The following USP53 variants were observed in gnomAD, a reference collection of about 807,000 sequenced individuals.
USP53 encodes the protein ubiquitin carboxyl-terminal hydrolase 53.
USP53 carries 71 observed loss-of-function variants against 94.9 expected under a neutral mutation model. The observed-to-expected ratio is 0.75, with a 90% confidence interval of 0.62 to 0.91. The LOEUF (loss-of-function observed/expected upper bound fraction) is 0.91. Ranked by LOEUF, USP53 falls within the 40% of genes least tolerant of loss-of-function variation. The probability of loss-of-function intolerance (pLI) is 0.00; values close to 1 mark genes in which losing one functional copy is unlikely to be tolerated. For missense variants in USP53, 1,173 were observed against 1,281.0 expected (o/e 0.92, Z 1.29); for synonymous variants, 375 against 422.7 (o/e 0.89, Z 1.39).
chr4:119,253,528 C>A (rs534005124), intron 7 of USP53, among the ~76,000 whole-genome samples: 1 of 152,048 alleles, frequency 6.6e-6, no homozygotes, highest in African/African-American at 2.4e-5. Context: ...TATCAGAGAC[C>A]AGGATTGCAA....
chr4:119,286,705 G>A (rs931850344), intron 17 of USP53, among the ~76,000 whole-genome samples: 1 of 152,012 alleles, frequency 6.6e-6, no homozygotes, highest in African/African-American at 2.4e-5. Flanking sequence ...AATAAATTAT[G>A]AATTGGCTAA....
intron 16 of USP53, 56 bp from the exon 17 acceptor site, chr4:119,273,575 AC>A: frequency 7.7e-7 from 1 of 1,297,404 alleles, no homozygotes; most frequent in South Asian, 1.3e-5. Flanking sequence ...TTTTTTTTAG[AC>A]TAAACAAAGG....
chr4:119,233,828 C>A (rs958429773), intron 3 of USP53, among the ~76,000 whole-genome samples: 2 of 152,192 alleles, frequency 1.3e-5, no homozygotes, highest in Admixed American at 6.5e-5. Context: ...AAGTTATGAG[C>A]TAGTAATATT....
intron 7 of USP53, among the ~76,000 whole-genome samples, chr4:119,253,414 A>G (rs34630083): frequency 0.29 from 43,881 of 152,078 alleles, 6,495 homozygotes; most frequent in East Asian, 0.38. Flanking sequence ...TATTGGGTGC[A>G]TGTATATTTA....
rs1752929364 is a variant in USP53 at position 119,278,254 on chromosome 4, A to G, written c.2251+4546A>G. Among the ~76,000 whole-genome samples, 5 of 150,472 alleles carry G rather than the reference A, an allele frequency of 3.3e-5. No homozygotes were observed. In the South Asian group the frequency reaches 1.1e-3, roughly 32 times the overall value. ...CGGCTGGTACCGGTTGTTCCTTTCC[A>G]TGTTTAGCGCTTCCTTCAGGAGCTC... On this transcript the variant is annotated intron_variant, in intron 17 of 18. Transcript: ENST00000692078.
Position 119,292,636 on chromosome 4 carries a change from C to T in USP53, c.2647C>T (p.Gln883Ter), listed in dbSNP as rs186255727. Residue 883 changes from glutamine (Q) to a stop codon, truncating the protein, a stop_gained, in exon 19 of 19, where the codon CAA becomes TAA. Transcript: ENST00000692078. LOFTEE classifies it low-confidence loss of function (END_TRUNC). ...KPETAPLIQQQNIMDQCYFEN... is the reference protein window; with the variant it reads ...KPETAPLIQQ ...AGAAACTGCTCCTCTCATCCAGCAA[C>T]AAAATATCATGGATCAATGTTACTT... 1 of 1,614,090 alleles carries T rather than the reference C, an allele frequency of 6.2e-7. No individual in the cohort carries two copies. The highest frequency in any genetic ancestry group is 1.7e-5 in the Admixed American group (1 of 60,010).
rs1228173868 is a variant in USP53 at position 119,256,504 on chromosome 4, A to G, written c.550A>G (p.Ile184Val). 6.2e-7 allele frequency: 1 copy of G among 1,614,134 alleles called. No homozygotes were observed. The highest frequency in any genetic ancestry group is 1.1e-5 in the South Asian group (1 of 91,084). The change falls in exon 9 of 19, where the codon ATT becomes GTT. Residue 184 changes from isoleucine (I) to valine (V), a missense_variant. Physicochemically the swap from Ile to Val is conservative, Grantham distance 29 (BLOSUM62 3). Transcript: ENST00000692078. Reference sequence around the variant, plus strand: ...ACCTTTTACAGAATTTGTGCGGTACATTTCTACAACAGCCTTATGGTAAGA... The same window carrying G: ...ACCTTTTACAGAATTTGTGCGGTACGTTTCTACAACAGCCTTATGGTAAGA... ...PLPFTEFVRY[I>V]STTALCNEVE...
At chr4:119,260,760 G>T in intron 11 of USP53, 107 bp downstream of exon 11, 2 of 1,314,112 alleles carry the variant, frequency 1.5e-6, no homozygotes, top group Non-Finnish European at 2.1e-6. Flanking sequence ...CAGGCTAACT[G>T]GAATGCCTTT....
chr4:119,220,352 G>A (rs55732167), intron 3 of USP53: 3 of 152,134 alleles, frequency 2.0e-5, no homozygotes, highest in Admixed American at 2.0e-4. Context: ...AAAAAGCAGT[G>A]ATCTATCAAA....
intron 9 of USP53, among the ~76,000 whole-genome samples, chr4:119,257,396 C>G (rs202011483): frequency 6.6e-6 from 1 of 152,058 alleles, no homozygotes; most frequent in South Asian, 2.1e-4. Context: ...GCTGAGATTG[C>G]GCCACTGCAC....
chr4:119,287,779 C>A (rs1754282766), intron 17 of USP53, among the ~76,000 whole-genome samples: 1 of 152,146 alleles, frequency 6.6e-6, no homozygotes, highest in Admixed American at 6.5e-5. Flanking sequence ...ACACTAGTGG[C>A]CTAGTTTCAT....
chr4:119,244,704 G>A (rs1026838253), intron 5 of USP53, among the ~76,000 whole-genome samples: 2 of 152,092 alleles, frequency 1.3e-5, no homozygotes, highest in South Asian at 2.1e-4. Flanking sequence ...TTTGGGTTTG[G>A]TTTGTCTTTG....
At chr4:119,270,297 C>T (rs148065060) in intron 15 of USP53, among the ~76,000 whole-genome samples, 1 of 151,732 alleles carries the variant, frequency 6.6e-6, no homozygotes, top group African/African-American at 2.4e-5. Context: ...AGGGTCTTGC[C>T]ATGTTGCTCA....
At chr4:119,260,868 G>A (rs1750406181) in intron 11 of USP53, among the ~76,000 whole-genome samples, 1 of 149,394 alleles carries the variant, frequency 6.7e-6, no homozygotes, top group African/African-American at 2.5e-5. Flanking sequence ...GATTTTTTAT[G>A]TATGGCCATG....
chr4:119,227,833 T>C (rs1300087605), intron 3 of USP53, among the ~76,000 whole-genome samples: 1 of 152,126 alleles, frequency 6.6e-6, no homozygotes, highest in Non-Finnish European at 1.5e-5. Flanking sequence ...TGGAAACAAC[T>C]GCAATTAATC....
chr4:119,250,534 AT>A (rs1165992560), intron 7 of USP53, among the ~76,000 whole-genome samples: 2 of 152,206 alleles, frequency 1.3e-5, no homozygotes, highest in African/African-American at 4.8e-5. Context: ...TTTATAATTG[AT>A]TTTTTGCTTA....
intron 12 of USP53, among the ~76,000 whole-genome samples, chr4:119,263,768 T>C (rs1401798437): frequency 1.3e-5 from 2 of 151,988 alleles, no homozygotes; most frequent in African/African-American, 4.8e-5. Context: ...GACCTGATAT[T>C]AAAAAGCTTA....
At chr4:119,222,867 C>T (rs1400034389) in intron 3 of USP53, among the ~76,000 whole-genome samples, 2 of 133,312 alleles carry the variant, frequency 1.5e-5, no homozygotes, top group African/African-American at 5.7e-5. Flanking sequence ...ACATGTAATA[C>T]AAAAAATAAT....
intron 17 of USP53, among the ~76,000 whole-genome samples, chr4:119,280,315 G>A (rs1307890401): frequency 6.6e-6 from 1 of 151,592 alleles, no homozygotes; most frequent in African/African-American, 2.4e-5. Context: ...CCTTAAAACT[G>A]TGATTTGAGA....
Sources: allele counts gnomAD v4.1 joint callset (sites outside exome capture counted in the v4.1 genomes callset), GRCh38; gene constraint gnomAD v4.1.1; transcripts MANE v1.5; gene names NCBI Gene and HGNC (gene_info 2026-07-23, HGNC 2026-07-21).